TMEM132D: variants seen among roughly 807,000 people sequenced by gnomAD.
The protein encoded by TMEM132D is mature OL transmembrane protein.
TMEM132D carries 21 observed loss-of-function variants against 62.3 expected under a neutral mutation model. The observed-to-expected ratio is 0.34, with a 90% CI of 0.24 to 0.49. TMEM132D has a LOEUF of 0.49. TMEM132D is among the 20% of genes least tolerant of loss of function. TMEM132D has a pLI of 0.99. For synonymous variants in TMEM132D, 621 were observed against 575.6 expected (o/e 1.08, Z -1.13); for missense variants, 1,346 against 1,402.8 (o/e 0.96, Z 0.65).
At chr12:129,881,369 G>C (rs1874590596) in intron 1 of TMEM132D, among the ~76,000 whole-genome samples, 1 of 151,672 alleles carries the variant, frequency 6.6e-6, no homozygotes, top group Non-Finnish European at 1.5e-5. Context: ...CATTTACAGA[G>C]CACTCCTCAC....
At chr12:129,697,892 C>G (rs1260395399) in intron 2 of TMEM132D, among the ~76,000 whole-genome samples, 1 of 151,196 alleles carries the variant, frequency 6.6e-6, no homozygotes, top group Non-Finnish European at 1.5e-5. Context: ...GTGCTACACA[C>G]ATCACTGCTT....
At chr12:129,344,913 G>A (rs1715532631) in intron 3 of TMEM132D, among the ~76,000 whole-genome samples, 1 of 152,096 alleles carries the variant, frequency 6.6e-6, no homozygotes, top group African/African-American at 2.4e-5. Context: ...ACAGCTATGA[G>A]CAGTAAGATT....
At chr12:129,424,708 A>AG (rs1491586929) in intron 3 of TMEM132D, among the ~76,000 whole-genome samples, 1 of 68,766 alleles carries the variant, frequency 1.5e-5, no homozygotes, top group Non-Finnish European at 3.1e-5. Flanking sequence ...ACTCCATCTC[A>AG]AAAAAAAAAA....
intron 3 of TMEM132D, among the ~76,000 whole-genome samples, chr12:129,435,845 A>T (rs755741634): frequency 6.6e-6 from 1 of 152,214 alleles, no homozygotes; most frequent in Non-Finnish European, 1.5e-5. Context: ...ATTATCAAAT[A>T]TCGTTTCTTC....
intron 2 of TMEM132D, among the ~76,000 whole-genome samples, chr12:129,637,556 TG>T (rs1879515393): frequency 6.6e-6 from 1 of 152,182 alleles, no homozygotes; most frequent in Non-Finnish European, 1.5e-5. Flanking sequence ...CCCTTCCTCC[TG>T]GTCTGGCCAT....
Position 129,580,920 on chromosome 12 carries a change from A to G in TMEM132D, c.969-49715T>C, listed in dbSNP as rs201964455. ...TAATGATTTATAGTGATAGCCATCA[A>G]TTGTACCAGTTTTCTCAATTGGCAT... is the stretch of plus-strand genomic sequence containing the variant. On this transcript the variant is annotated intron_variant, in intron 2 of 8. Transcript: ENST00000422113. Among the ~76,000 whole-genome samples, 6 of 152,160 alleles carry G rather than the reference A, an allele frequency of 3.9e-5. No individual in the cohort carries two copies. The East Asian group carries it at 9.6e-4, about 24-fold the overall frequency.
chr12:129,496,814 C>T (rs1874973394), intron 3 of TMEM132D, among the ~76,000 whole-genome samples: 2 of 152,154 alleles, frequency 1.3e-5, no homozygotes, highest in African/African-American at 4.8e-5. Context: ...TCACTAATTA[C>T]CCTGGGCTGC....
intron 1 of TMEM132D, among the ~76,000 whole-genome samples, chr12:129,901,170 T>C (rs1566024405): frequency 6.6e-6 from 1 of 152,202 alleles, no homozygotes; most frequent in Non-Finnish European, 1.5e-5. Flanking sequence ...GGTATGTGTG[T>C]ATGTGTGTGT....
intron 1 of TMEM132D, among the ~76,000 whole-genome samples, chr12:129,883,748 C>T (rs189310226): frequency 3.0e-4 from 46 of 152,192 alleles, no homozygotes; most frequent in Non-Finnish European, 5.3e-4. Flanking sequence ...CTACCATATA[C>T]GGTCAGACAA....
intron 1 of TMEM132D, among the ~76,000 whole-genome samples, chr12:129,737,023 G>T (rs1036886495): frequency 6.6e-6 from 1 of 152,020 alleles, no homozygotes; most frequent in African/African-American, 2.4e-5. Flanking sequence ...TCACCATGTT[G>T]ACCAGGCTGT....
At chr12:129,807,957 G>A (rs1403461262) in intron 1 of TMEM132D, among the ~76,000 whole-genome samples, 1 of 152,178 alleles carries the variant, frequency 6.6e-6, no homozygotes, top group Non-Finnish European at 1.5e-5. Flanking sequence ...GCAGCAGCAA[G>A]TCTTGGGAAT....
intron 5 of TMEM132D, among the ~76,000 whole-genome samples, chr12:129,089,184 GA>G (rs201722461): frequency 1.1e-4 from 4 of 36,850 alleles, no homozygotes; most frequent in South Asian, 1.1e-3. Context: ...CCATGACCGG[GA>G]TGTCCTCCAT....
At position 129,724,502 on chromosome 12, in the gene TMEM132D, A is replaced by AT. The variant is rs1234292882; in HGVS notation, c.80-23805dup. Among the ~76,000 whole-genome samples the AT allele has an allele frequency of 6.6e-5, 10 of 151,898 alleles. No individual in the cohort carries two copies. The East Asian group carries it at 7.7e-4, about 12-fold the overall frequency. ...AACTGTAAGGTAATACATTTGTGCT[A>AT]TTTTTTTGTTTTTTGTTTCTGTTTT... On this transcript the variant is annotated intron_variant, in intron 1 of 8. Transcript: ENST00000422113.
intron 1 of TMEM132D, among the ~76,000 whole-genome samples, chr12:129,864,560 G>A (rs1873999762): frequency 6.6e-6 from 1 of 152,160 alleles, no homozygotes; most frequent in African/African-American, 2.4e-5. Flanking sequence ...GATGTAATTG[G>A]AGACCTGCTG....
At chr12:129,227,103 C>A (rs920289240) in intron 4 of TMEM132D, among the ~76,000 whole-genome samples, 1 of 151,974 alleles carries the variant, frequency 6.6e-6, no homozygotes, top group Non-Finnish European at 1.5e-5. Context: ...CTGGGGAGAA[C>A]CTAGGCCATG....
At chr12:129,699,782 T>TACAG (rs1361220606) in intron 2 of TMEM132D, 28 bp downstream of exon 2, 7 of 1,608,574 alleles carry the variant, frequency 4.4e-6, no homozygotes, top group Non-Finnish European at 5.9e-6. Flanking sequence ...GACGGGCGGG[T>TACAG]ACAGACAGAC....
intron 5 of TMEM132D, among the ~76,000 whole-genome samples, chr12:129,104,347 A>G (rs894668880): frequency 3.3e-5 from 5 of 151,970 alleles, no homozygotes; most frequent in African/African-American, 1.2e-4. Context: ...ATATGTAGAA[A>G]GCTGAAACTG....
At chr12:129,098,734 G>A (rs1163938989) in intron 5 of TMEM132D, among the ~76,000 whole-genome samples, 2 of 152,198 alleles carry the variant, frequency 1.3e-5, no homozygotes, top group African/African-American at 4.8e-5. Context: ...CCACTGGAGA[G>A]GTGGAGTCTA....
In TMEM132D at chr12:129,361,642, TG is replaced by T. The variant is rs1237074155; in HGVS notation, c.1116-23826del. 2.0e-5 allele frequency among the ~76,000 whole-genome samples: 3 copies of T among 152,354 alleles called. No homozygotes were observed. In the East Asian group the frequency reaches 5.8e-4, roughly 29 times the overall value. On this transcript the variant is annotated intron_variant, in intron 3 of 8. Coordinates refer to ENST00000422113, the MANE Select transcript of TMEM132D (RefSeq NM_133448.3). Reference sequence around the variant, plus strand: ...CATGGCAAATGCTATTGTTGACTGCTGCCTCTATACACAAGACAATAACATG... The same window carrying T: ...CATGGCAAATGCTATTGTTGACTGCTCCTCTATACACAAGACAATAACATG...
Sources: allele counts gnomAD v4.1 joint callset (sites outside exome capture counted in the v4.1 genomes callset), GRCh38; gene constraint gnomAD v4.1.1; transcripts MANE v1.5; gene names NCBI Gene and HGNC (gene_info 2026-07-23, HGNC 2026-07-21).